Variants in STOX1 observed in about 807,000 individuals in gnomAD.
STOX1 encodes the protein storkhead box 1.
STOX1 carries 57 observed loss-of-function variants against 74.8 expected under a neutral mutation model. The ratio of observed to expected loss-of-function variants is 0.76; its 90% CI spans 0.62 to 0.95. The LOEUF is 0.95. Among genes scored for constraint, STOX1 ranks in the 40% least tolerant of loss-of-function variants. The pLI, the probability that STOX1 is intolerant of heterozygous loss-of-function variation, is 0.00. For synonymous variants in STOX1, 375 were observed against 401.3 expected, an observed-to-expected ratio of 0.93 and a Z score of 0.78; for missense variants, 1,010 against 1,117.0, an observed-to-expected ratio of 0.90 and a Z score of 1.37.
chr10:68,855,124 ATTTT>A (rs56333446), intron 1 of STOX1, among the ~76,000 whole-genome samples: 1 of 136,468 alleles, frequency 7.3e-6, no homozygotes, highest in Non-Finnish European at 1.6e-5. Context: ...TTAAAAAAAA[ATTTT>A]TTTTTTTTTT....
chr10:68,844,294 C>CTTTTTT (rs777175392), intron 1 of STOX1, among the ~76,000 whole-genome samples: 7 of 104,694 alleles, frequency 6.7e-5, no homozygotes, highest in Non-Finnish European at 9.1e-5. Context: ...TCTGGATCTT[C>CTTTTTT]TTTTTTTTTT....
intron 1 of STOX1, among the ~76,000 whole-genome samples, chr10:68,873,353 C>T (rs2394493): frequency 0.65 from 97,887 of 149,944 alleles, 32,351 homozygotes; most frequent in East Asian, 0.9. Context: ...CTCCGCCTCC[C>T]GGGTTCACGC....
At chr10:68,873,722 T>C (rs1462798903) in intron 1 of STOX1, among the ~76,000 whole-genome samples, 2 of 146,650 alleles carry the variant, frequency 1.4e-5, no homozygotes, top group Admixed American at 6.9e-5. Flanking sequence ...AGTGGTGCGA[T>C]CTCCTGCAAA....
intron 3 of STOX1, among the ~76,000 whole-genome samples, chr10:68,891,448 GA>G (rs1411074946): frequency 6.6e-6 from 1 of 152,196 alleles, no homozygotes; most frequent in Non-Finnish European, 1.5e-5. Flanking sequence ...ATATGTTTGA[GA>G]TATATTTTAA....
At chr10:68,874,012 CCTTTTTTT>C (rs1840614183) in intron 1 of STOX1, among the ~76,000 whole-genome samples, 1 of 11,376 alleles carries the variant, frequency 8.8e-5, no homozygotes. Flanking sequence ...AGCTAGGTAG[CCTTTTTTT>C]TTTTTTTTTT....
At chr10:68,841,137 C>T (rs1003839122) in intron 1 of STOX1, among the ~76,000 whole-genome samples, 17 of 151,448 alleles carry the variant, frequency 1.1e-4, no homozygotes, top group African/African-American at 3.6e-4. Context: ...AGTAGAGACG[C>T]GGTTTCACCA....
intron 1 of STOX1, among the ~76,000 whole-genome samples, chr10:68,879,954 G>C (rs1840770129): frequency 6.6e-6 from 1 of 152,026 alleles, no homozygotes; most frequent in East Asian, 1.9e-4. Context: ...TGAATGTCCT[G>C]TGTCCCAGGA....
chr10:68,891,192 G>T (rs1841089125), intron 3 of STOX1, among the ~76,000 whole-genome samples: 1 of 152,098 alleles, frequency 6.6e-6, no homozygotes, highest in South Asian at 2.1e-4. Flanking sequence ...TAATTGACAG[G>T]CATTTAGAGG....
At chr10:68,893,619 G>A (rs1034492597), downstream of STOX1, among the ~76,000 whole-genome samples, 2 of 152,076 alleles carry the variant, frequency 1.3e-5, no homozygotes, top group Admixed American at 6.5e-5. Context: ...GGGTTTCACC[G>A]TGTTAGCCAG....
intron 1 of STOX1, among the ~76,000 whole-genome samples, chr10:68,836,043 T>G (rs1382257644): frequency 6.6e-6 from 1 of 152,164 alleles, no homozygotes; most frequent in East Asian, 1.9e-4. Flanking sequence ...GGCTAATTTT[T>G]TGTATTTTTA....
chr10:68,833,406 G>A (rs1839461875), intron 1 of STOX1, among the ~76,000 whole-genome samples: 1 of 152,124 alleles, frequency 6.6e-6, no homozygotes, highest in Non-Finnish European at 1.5e-5. Flanking sequence ...CCGAGTTAAA[G>A]AAGGAAGAGG....
chr10:68,838,517 T>C (rs1261574303), intron 1 of STOX1, among the ~76,000 whole-genome samples: 1 of 152,190 alleles, frequency 6.6e-6, no homozygotes, highest in African/African-American at 2.4e-5. Context: ...TCATGTCATC[T>C]GTAAACAGAG....
rs759561304 is a variant in STOX1, at chr10:68,886,137, G to T, written c.2341G>T (p.Glu781Ter). The T allele has an allele frequency of 3.6e-5, 58 of 1,614,060 alleles. No homozygotes were observed. The highest frequency in any genetic ancestry group is 4.8e-5 in the Non-Finnish European group (57 of 1,180,048). Residue 781 changes from glutamate to a stop codon, truncating the protein, a stop_gained, in exon 3 of 4, where the codon GAG becomes TAG. Coordinates refer to ENST00000298596, the MANE Select transcript of STOX1 (RefSeq NM_152709.5). LOFTEE classifies it high-confidence loss of function. ...AAAAGTGATTGAGAGATCTCTGACCGAGTACAACAGCACAATGGAGAGGGT... is the reference window on the plus strand; with the variant it reads ...AAAAGTGATTGAGAGATCTCTGACCTAGTACAACAGCACAATGGAGAGGGT... Reference protein sequence around the residue: ...KQKVIERSLTEYNSTMERVES... With the variant: ...KQKVIERSLT
intron 1 of STOX1, among the ~76,000 whole-genome samples, chr10:68,837,584 A>G (rs1839586699): frequency 6.6e-6 from 1 of 152,228 alleles, no homozygotes; most frequent in Admixed American, 6.5e-5. Flanking sequence ...ATTATCTTTC[A>G]TCAATGGTTG....
At chr10:68,880,176 TTTTTTTG>T (rs1840780173) in intron 1 of STOX1, among the ~76,000 whole-genome samples, 2 of 150,882 alleles carry the variant, frequency 1.3e-5, no homozygotes, top group Admixed American at 6.6e-5. Flanking sequence ...TTTTTTTTTT[TTTTTTTG>T]TTTTTGTTTT....
At chr10:68,876,357 C>T (rs983886393) in intron 1 of STOX1, among the ~76,000 whole-genome samples, 9 of 151,712 alleles carry the variant, frequency 5.9e-5, no homozygotes, top group African/African-American at 1.9e-4. Context: ...GGTTTCTCCA[C>T]GTTGGTCAGG....
At chr10:68,861,180 T>A (rs967317027) in intron 1 of STOX1, among the ~76,000 whole-genome samples, 1 of 152,126 alleles carries the variant, frequency 6.6e-6, no homozygotes, top group Non-Finnish European at 1.5e-5. Flanking sequence ...CAAAGTGGTA[T>A]TGGGGGGCTA....
chr10:68,884,492 A>G lies in STOX1; in HGVS notation c.696A>G (p.Gln232=). 1 of 1,613,832 alleles carries G rather than the reference A, an allele frequency of 6.2e-7. No individual in the cohort carries two copies. Among genetic ancestry groups the G allele is most frequent in the Non-Finnish European group, 8.5e-7 (1 of 1,180,028 alleles). ...VSMESCAESA[Q]ENAAPISHCQ... ...TGGAGAGCTGTGCAGAGTCAGCCCA[A>G]GAGAATGCTGCCCCCATATCCCACT... is the stretch of plus-strand genomic sequence containing the variant. The change falls in exon 3 of 4, where the codon CAA becomes CAG. Residue 232 remains glutamine, a synonymous_variant. Transcript: ENST00000298596.
At chr10:68,828,883 T>C in intron 1 of STOX1, 1 of 716,342 alleles carries the variant, frequency 1.4e-6, no homozygotes, top group Non-Finnish European at 1.7e-6. Flanking sequence ...AACTTAACTG[T>C]TTGTTAGACA....
Sources: gnomAD v4.1 joint callset for allele counts (sites outside exome capture counted in the v4.1 genomes callset) on GRCh38, gnomAD v4.1.1 for gene constraint, MANE v1.5 for transcripts, NCBI Gene and HGNC (gene_info 2026-07-23, HGNC 2026-07-21) for gene names.